Variants in CDH13 observed in about 807,000 individuals in gnomAD.
CDH13 encodes the protein cadherin 13, also known as cadherin-13.
A neutral mutation model predicts 63.8 loss-of-function variants in CDH13; 24 were observed. The ratio of observed to expected loss-of-function variants is 0.38; its 90% CI spans 0.27 to 0.53. The LOEUF is 0.53. Ranked by LOEUF, CDH13 falls within the 20% of genes least tolerant of loss-of-function variation. CDH13 has a pLI of 0.85. For missense variants in CDH13, 1,049 were observed against 903.1 expected (o/e 1.16, Z -2.07); for synonymous variants, 503 against 355.3 (o/e 1.42, Z -4.67).
At chr16:82,784,909 T>G (rs1025411726) in intron 1 of CDH13, among the ~76,000 whole-genome samples, 2 of 152,170 alleles carry the variant, frequency 1.3e-5, no homozygotes, top group Non-Finnish European at 1.5e-5. Context: ...CTGATGCACA[T>G]TGAAGAGGCC....
intron 3 of CDH13, among the ~76,000 whole-genome samples, chr16:83,048,765 C>T (rs186270501): frequency 4.1e-4 from 62 of 152,250 alleles, no homozygotes; most frequent in African/African-American, 1.4e-3. Context: ...TTTCCCCTCA[C>T]ACTCTTACAT....
At chr16:83,240,095 G>A (rs547040650) in intron 5 of CDH13, among the ~76,000 whole-genome samples, 1 of 152,272 alleles carries the variant, frequency 6.6e-6, no homozygotes, top group East Asian at 1.9e-4. Context: ...GGGCCCCAGA[G>A]TCTGACAAGC....
intron 11 of CDH13, among the ~76,000 whole-genome samples, chr16:83,749,390 G>C (rs1912888230): frequency 6.6e-6 from 1 of 152,116 alleles, no homozygotes. Flanking sequence ...TTGAAAGACG[G>C]GTAGGATTCG....
intron 7 of CDH13, among the ~76,000 whole-genome samples, chr16:83,582,832 G>A (rs1238415660): frequency 6.6e-6 from 1 of 152,190 alleles, no homozygotes; most frequent in Non-Finnish European, 1.5e-5. Context: ...GGCCCAGTTG[G>A]ACTTTCAGCC....
chr16:83,002,668 G>A (rs1275617714), intron 2 of CDH13, among the ~76,000 whole-genome samples: 6 of 152,284 alleles, frequency 3.9e-5, no homozygotes, highest in East Asian at 1.9e-4. Flanking sequence ...CAGAATAAGC[G>A]GGGAAGAGGT....
intron 1 of CDH13, among the ~76,000 whole-genome samples, chr16:82,738,418 C>T (rs2033783197): frequency 6.6e-6 from 1 of 152,200 alleles, no homozygotes; most frequent in Non-Finnish European, 1.5e-5. Context: ...CCGGAGTCCT[C>T]ACCTGAAATC....
intron 3 of CDH13, among the ~76,000 whole-genome samples, chr16:83,049,818 T>A (rs1345206365): frequency 6.6e-6 from 1 of 152,188 alleles, no homozygotes; most frequent in Non-Finnish European, 1.5e-5. Flanking sequence ...TGTGTGCAAA[T>A]GTATTTGAGT....
intron 3 of CDH13, among the ~76,000 whole-genome samples, chr16:83,111,496 C>G (rs1264208764): frequency 6.6e-6 from 1 of 152,146 alleles, no homozygotes; most frequent in Non-Finnish European, 1.5e-5. Flanking sequence ...ATTTGCAAGT[C>G]GATCATGAGG....
chr16:83,716,582 C>G (rs1043797395), intron 10 of CDH13, among the ~76,000 whole-genome samples: 1 of 152,166 alleles, frequency 6.6e-6, no homozygotes, highest in Admixed American at 6.5e-5. Context: ...CTCCTGGACT[C>G]AAGCAATCCT....
chr16:83,032,860 T>C (rs1916496063), intron 3 of CDH13, among the ~76,000 whole-genome samples: 1 of 152,198 alleles, frequency 6.6e-6, no homozygotes, highest in Non-Finnish European at 1.5e-5. Flanking sequence ...AGGAGCTGTT[T>C]TCAGAGGAAA....
intron 2 of CDH13, among the ~76,000 whole-genome samples, chr16:82,894,709 T>C (rs2041193823): frequency 1.3e-5 from 2 of 151,594 alleles, no homozygotes; most frequent in Non-Finnish European, 2.9e-5. Flanking sequence ...AAAAATAAAA[T>C]AAAATAGAGA....
rs1452119894 is a variant in CDH13, at chr16:83,334,538, GT to G, written c.637-10321del. Among the ~76,000 whole-genome samples, 3 of 13,276 alleles carry G rather than the reference GT, an allele frequency of 2.3e-4. No homozygotes were observed. The Admixed American group carries it at 4.7e-3, about 21-fold the overall frequency. 8.7% of individuals were successfully genotyped at this position (13,276 alleles called of 152,430 possible). A position where few individuals can be genotyped will look rare whatever the true frequency, so the allele number is the denominator to read the frequency against. ...AGGCATGCACCGCCACTCCTGGCTA[GT>G]TTAAAAAAAAAAAAATACAGAGATG... is the stretch of plus-strand genomic sequence containing the variant. On this transcript the variant is annotated intron_variant, in intron 5 of 13. Coordinates refer to ENST00000567109, the MANE Select transcript of CDH13 (RefSeq NM_001257.5).
intron 2 of CDH13, chr16:82,953,160 G>A (rs537439609): frequency 4.6e-5 from 7 of 152,198 alleles, no homozygotes; most frequent in African/African-American, 1.7e-4. Flanking sequence ...CTAGCATCTT[G>A]GTGTAATCCA....
chr16:82,786,902 AG>A (rs2036042794), intron 1 of CDH13, among the ~76,000 whole-genome samples: 1 of 152,028 alleles, frequency 6.6e-6, no homozygotes, highest in South Asian at 2.1e-4. Flanking sequence ...GTTGTTTTTA[AG>A]GGTATTGGAC....
chr16:82,903,312 G>T (rs944117843), intron 2 of CDH13, among the ~76,000 whole-genome samples: 1 of 152,212 alleles, frequency 6.6e-6, no homozygotes, highest in African/African-American at 2.4e-5. Flanking sequence ...TCTCAGAGCT[G>T]GGAGCTGCAC....
intron 1 of CDH13, among the ~76,000 whole-genome samples, chr16:82,762,845 G>C (rs2034905589): frequency 6.6e-6 from 1 of 152,192 alleles, no homozygotes; most frequent in Admixed American, 6.5e-5. Context: ...GATGCCAGGG[G>C]TGGTTTGGGT....
chr16:83,277,134 C>A (rs778659205), intron 5 of CDH13, among the ~76,000 whole-genome samples: 1 of 152,122 alleles, frequency 6.6e-6, no homozygotes, highest in Non-Finnish European at 1.5e-5. Context: ...ACAAAATGGG[C>A]ACTCAATAAA....
chr16:83,671,742 C>G (rs1217822037), intron 9 of CDH13, among the ~76,000 whole-genome samples: 1 of 152,106 alleles, frequency 6.6e-6, no homozygotes, highest in African/African-American at 2.4e-5. Context: ...GGTGTGAAAC[C>G]CTCTGTGACC....
chr16:83,336,069 G>A (rs1323153303), intron 5 of CDH13, among the ~76,000 whole-genome samples: 4 of 152,032 alleles, frequency 2.6e-5, no homozygotes, highest in Non-Finnish European at 5.9e-5. Context: ...GGGTGCCTGA[G>A]GTGGGTGGAT....
Sources: gnomAD v4.1 joint callset for allele counts (sites outside exome capture counted in the v4.1 genomes callset) on GRCh38, gnomAD v4.1.1 for gene constraint, MANE v1.5 for transcripts, NCBI Gene and HGNC (gene_info 2026-07-23, HGNC 2026-07-21) for gene names.